The following ITGA2 variants were observed in gnomAD, a reference collection of about 807,000 sequenced individuals.
ITGA2 encodes the protein integrin alpha-2.
In ITGA2, 101 loss-of-function variants were observed where a neutral mutation model predicts 146.3. The ratio of observed to expected loss-of-function variants is 0.69; its 90% CI spans 0.59 to 0.81. ITGA2 has a LOEUF of 0.81. Among genes scored for constraint, ITGA2 ranks in the 40% least tolerant of loss-of-function variants. ITGA2 has a pLI of 0.00. For synonymous variants in ITGA2, 477 were observed against 487.1 expected (o/e 0.98, Z 0.27); for missense variants, 1,281 against 1,402.7 (o/e 0.91, Z 1.39).
intron 1 of ITGA2, among the ~76,000 whole-genome samples, chr5:53,011,987 T>A (rs1037935090): frequency 6.6e-6 from 1 of 152,098 alleles, no homozygotes; most frequent in African/African-American, 2.4e-5. Context: ...CTGTGTAAAT[T>A]AAGTACAAAG....
rs1740459565 is a variant in ITGA2 at position 53,092,167 on chromosome 5, T to TA, written c.*1569dup. On this transcript the variant is annotated 3_prime_UTR_variant, in exon 30 of 30. Transcript: ENST00000296585. ...GCCCCCACATTCTCTAGGAGAAACT[T>TA]AGAGGAAAAGGGCACAGACACTACA... 6.6e-6 allele frequency: 1 copy of TA among 152,178 alleles called. No individual in the cohort carries two copies. Among genetic ancestry groups the TA allele is most frequent in the Non-Finnish European group, 1.5e-5 (1 of 68,016 alleles). The allele number at this position is 152,178 out of a possible 1,614,324, so 9.4% of individuals were successfully genotyped here. A position where few individuals can be genotyped will look rare whatever the true frequency, so the allele number is the denominator to read the frequency against.
In ITGA2 at chr5:52,989,442, AACTACGGTC is replaced by A. The variant is rs778646087; in HGVS notation, c.-26_-18del. 7.3e-5 allele frequency: 117 copies of A among 1,613,672 alleles called. No individual in the cohort carries two copies. Among genetic ancestry groups the A allele is most frequent in the Non-Finnish European group, 9.6e-5 (113 of 1,179,674 alleles). On this transcript the variant is annotated 5_prime_UTR_variant, in exon 1 of 30. Coordinates refer to ENST00000296585, the MANE Select transcript of ITGA2 (RefSeq NM_002203.4). ...CTGCAAACCTCTGCAAACCCAGCGCAACTACGGTCCCCCGGTCAGACCCAGGATGGGGCC... is the reference window on the plus strand; with the variant it reads ...CTGCAAACCTCTGCAAACCCAGCGCACCCCGGTCAGACCCAGGATGGGGCC...
chr5:53,064,104 A>AT (rs1433495598), intron 13 of ITGA2, among the ~76,000 whole-genome samples: 6 of 151,612 alleles, frequency 4.0e-5, no homozygotes, highest in African/African-American at 1.2e-4. Flanking sequence ...GAATTATTTA[A>AT]TGTTTTTAAT....
chr5:53,000,551 A>G (rs1166703735), intron 1 of ITGA2, among the ~76,000 whole-genome samples: 2 of 152,042 alleles, frequency 1.3e-5, no homozygotes, highest in African/African-American at 4.8e-5. Context: ...CATTCTGGTT[A>G]GTTTCTTTTA....
intron 11 of ITGA2, 47 bp downstream of exon 11, chr5:53,060,059 T>C (rs1444490110): frequency 3.1e-6 from 5 of 1,593,618 alleles, no homozygotes; most frequent in Non-Finnish European, 4.3e-6. Flanking sequence ...TTCCCTTGCT[T>C]TAAACCAGCT....
intron 20 of ITGA2, among the ~76,000 whole-genome samples, 199 bp downstream of exon 20, chr5:53,073,458 A>G (rs1352041645): frequency 2.0e-5 from 3 of 151,870 alleles, no homozygotes; most frequent in Non-Finnish European, 4.4e-5. Context: ...AGCTTGGGTC[A>G]GTTTTTCCCT....
intron 4 of ITGA2, among the ~76,000 whole-genome samples, chr5:53,045,949 G>A (rs1744060223): frequency 2.0e-5 from 3 of 152,058 alleles, no homozygotes. Context: ...CCAGCACTGT[G>A]GGAGGCTGAG....
chr5:53,020,292 C>T (rs2111784700), intron 1 of ITGA2, among the ~76,000 whole-genome samples: 1 of 152,256 alleles, frequency 6.6e-6, no homozygotes, highest in African/African-American at 2.4e-5. Context: ...CACAAGTTAT[C>T]ATACAGATAT....
intron 1 of ITGA2, among the ~76,000 whole-genome samples, chr5:52,990,527 CA>C (rs1424572058): frequency 1.4e-5 from 2 of 144,808 alleles, no homozygotes; most frequent in African/African-American, 5.1e-5. Flanking sequence ...GCGATCAAAA[CA>C]AAACAAAAAA....
At chr5:53,011,028 G>C (rs1020528809) in intron 1 of ITGA2, among the ~76,000 whole-genome samples, 1 of 152,122 alleles carries the variant, frequency 6.6e-6, no homozygotes, top group Non-Finnish European at 1.5e-5. Context: ...GAAGATAGAA[G>C]AAACAAGAAA....
intron 27 of ITGA2, among the ~76,000 whole-genome samples, chr5:53,085,060 A>G (rs1374391974): frequency 1.3e-5 from 2 of 152,222 alleles, no homozygotes; most frequent in Admixed American, 1.3e-4. Context: ...CAAGTCCTAC[A>G]TATCTTCCTC....
intron 15 of ITGA2, 23 bp from the exon 16 acceptor site, chr5:53,067,095 C>T: frequency 6.2e-7 from 1 of 1,605,428 alleles, no homozygotes; most frequent in South Asian, 1.1e-5. Context: ...ATCCATCCAT[C>T]TGTTACTCTT....
chr5:53,081,652 T>G lies in ITGA2; in HGVS notation c.3100T>G (p.Ser1034Ala). Residue 1034 changes from serine (S) to alanine (A), a missense_variant, in exon 26 of 30, where the codon TCT becomes GCT. By Grantham distance (99) the Ser-to-Ala change is moderately conservative. This residue lies in a region of ITGA2 where 475 missense variants were observed against 530.5 expected (regional missense o/e 0.90). Transcript: ENST00000296585. ...NPLKIGQTSS[S>A]VSFKSENFRH... ...ACTGAAAATAGGACAAACATCTTCT[T>G]CTGTATCTTTCAAAAGTGAAAATTT... 6.2e-7 allele frequency: 1 copy of G among 1,613,222 alleles called. No homozygotes were observed. The highest frequency in any genetic ancestry group is 8.5e-7 in the Non-Finnish European group (1 of 1,179,586).
chr5:53,033,609 TTA>T (rs1743342336), intron 2 of ITGA2, among the ~76,000 whole-genome samples: 1 of 151,938 alleles, frequency 6.6e-6, no homozygotes, highest in Admixed American at 6.6e-5. Context: ...AATTAATTAA[TTA>T]ATTTGAGACA....
At chr5:53,053,799 A>G (rs1419492459) in intron 7 of ITGA2, among the ~76,000 whole-genome samples, 1 of 152,112 alleles carries the variant, frequency 6.6e-6, no homozygotes, top group Non-Finnish European at 1.5e-5. Context: ...TTTCTTTAAA[A>G]CATTGAAGAT....
intron 1 of ITGA2, among the ~76,000 whole-genome samples, chr5:53,022,218 T>G (rs574763479): frequency 3.9e-4 from 45 of 115,866 alleles, no homozygotes; most frequent in East Asian, 1.5e-3. Context: ...ATTTTTTTTT[T>G]TGGGGGACAG....
At chr5:52,989,932 AG>A (rs752033964) in intron 1 of ITGA2, among the ~76,000 whole-genome samples, 1 of 152,146 alleles carries the variant, frequency 6.6e-6, no homozygotes, top group Non-Finnish European at 1.5e-5. Flanking sequence ...TGGCTCAGAC[AG>A]GTGCCGCGCC....
At chr5:53,016,193 T>C (rs764305671) in intron 1 of ITGA2, among the ~76,000 whole-genome samples, 56 of 152,328 alleles carry the variant, frequency 3.7e-4, no homozygotes, top group Admixed American at 1.5e-3. Flanking sequence ...GTCTATGTAC[T>C]TAAGTGTGTT....
chr5:53,038,724 A>T (rs1743624504), intron 2 of ITGA2, among the ~76,000 whole-genome samples: 1 of 152,202 alleles, frequency 6.6e-6, no homozygotes, highest in African/African-American at 2.4e-5. Flanking sequence ...AGCCATGGGA[A>T]CATGAGCAAG....
Sources: gnomAD v4.1 joint callset for allele counts (sites outside exome capture counted in the v4.1 genomes callset) on GRCh38, gnomAD v4.1.1 for gene constraint, gnomAD v4.1.1 regional missense constraint, MANE v1.5 for transcripts, NCBI Gene and HGNC (gene_info 2026-07-23, HGNC 2026-07-21) for gene names.